The following AMPH variants were observed in gnomAD, a reference collection of about 807,000 sequenced individuals.
AMPH encodes amphiphysin.
In AMPH, 49 loss-of-function variants were observed where a neutral mutation model predicts 99.1. The observed-to-expected ratio is 0.49, with a 90% confidence interval of 0.39 to 0.63. The LOEUF is 0.63. Ranked by LOEUF, AMPH falls within the 20% of genes least tolerant of loss-of-function variation. The pLI, the probability that AMPH is intolerant of heterozygous loss-of-function variation, is 0.00. For synonymous variants in AMPH, 314 were observed against 317.3 expected (o/e 0.99, Z 0.11); for missense variants, 759 against 863.4 (o/e 0.88, Z 1.52).
At chr7:38,414,684 AGACAGAGT>A (rs1785314471) in intron 17 of AMPH, among the ~76,000 whole-genome samples, 1 of 148,722 alleles carries the variant, frequency 6.7e-6, no homozygotes, top group African/African-American at 2.5e-5. Context: ...TTTTTTTTTG[AGACAGAGT>A]CTCACTCTGT....
chr7:38,579,040 T>C (rs1792350040), intron 1 of AMPH, among the ~76,000 whole-genome samples: 1 of 152,212 alleles, frequency 6.6e-6, no homozygotes, highest in Admixed American at 6.5e-5. Context: ...TTAGTGTTAT[T>C]ATGAAAATAA....
chr7:38,594,749 CCAAA>C (rs552075057), intron 1 of AMPH, among the ~76,000 whole-genome samples: 9 of 151,920 alleles, frequency 5.9e-5, no homozygotes, highest in Non-Finnish European at 1.3e-4. Flanking sequence ...AAACTATGGG[CCAAA>C]CAAACAAATC....
intron 7 of AMPH, among the ~76,000 whole-genome samples, chr7:38,469,321 T>C (rs1164063827): frequency 6.6e-6 from 1 of 152,218 alleles, no homozygotes; most frequent in Non-Finnish European, 1.5e-5. Flanking sequence ...ACACTTCTTA[T>C]TAGCTGTCAA....
At chr7:38,540,001 C>G (rs1480048665) in intron 1 of AMPH, among the ~76,000 whole-genome samples, 2 of 152,210 alleles carry the variant, frequency 1.3e-5, no homozygotes, top group African/African-American at 4.8e-5. Flanking sequence ...TAAATGACCT[C>G]TTTCATTAAC....
At chr7:38,492,996 C>T (rs954315521) in intron 4 of AMPH, among the ~76,000 whole-genome samples, 4 of 152,140 alleles carry the variant, frequency 2.6e-5, no homozygotes, top group African/African-American at 7.2e-5. Context: ...GTAATGTGTG[C>T]GGTCTGCTTT....
chr7:38,488,933 C>T (rs919211174), intron 5 of AMPH, among the ~76,000 whole-genome samples: 8 of 152,098 alleles, frequency 5.3e-5, no homozygotes, highest in Admixed American at 2.0e-4. Context: ...AAGTGATCTA[C>T]AGATTCAATG....
chr7:38,501,801 A>C (rs1378567320), intron 3 of AMPH, among the ~76,000 whole-genome samples: 5 of 125,854 alleles, frequency 4.0e-5, no homozygotes, highest in Non-Finnish European at 8.6e-5. Flanking sequence ...AAATAAATAA[A>C]TAAAAGATTT....
At chr7:38,502,281 T>G (rs1545145) in intron 3 of AMPH, among the ~76,000 whole-genome samples, 138,978 of 152,240 alleles carry the variant, frequency 0.91, 63,686 homozygotes, top group East Asian at 1. Flanking sequence ...GAGACTAAAT[T>G]TACTGTATTT....
chr7:38,591,431 G>A (rs1035297005), intron 1 of AMPH, among the ~76,000 whole-genome samples: 1 of 151,954 alleles, frequency 6.6e-6, no homozygotes, highest in African/African-American at 2.4e-5. Context: ...GGAATTCCAG[G>A]CGTGCGCCAC....
intron 1 of AMPH, among the ~76,000 whole-genome samples, chr7:38,599,955 A>G (rs941631617): frequency 1.3e-5 from 2 of 152,044 alleles, no homozygotes; most frequent in African/African-American, 4.8e-5. Context: ...ATATCGTTGT[A>G]TCTTTTTATT....
chr7:38,484,378 C>T (rs941501533), intron 5 of AMPH, among the ~76,000 whole-genome samples: 2 of 152,094 alleles, frequency 1.3e-5, no homozygotes, highest in Non-Finnish European at 2.9e-5. Flanking sequence ...GACTTGCTCA[C>T]ATACAAGGGA....
chr7:38,407,021 CCTCTCT>C (rs71558121), intron 17 of AMPH, among the ~76,000 whole-genome samples: 2 of 3,712 alleles, frequency 5.4e-4, no homozygotes, highest in African/African-American at 1.6e-3. Flanking sequence ...CTAATAGACT[CCTCTCT>C]CTCTCTCTCT....
chr7:38,480,648 C>T (rs1788251170), intron 5 of AMPH, among the ~76,000 whole-genome samples: 1 of 152,152 alleles, frequency 6.6e-6, no homozygotes, highest in Non-Finnish European at 1.5e-5. Flanking sequence ...CATGGAGATA[C>T]ACACCCAGTC....
rs149775029 is a variant in AMPH, at chr7:38,486,486, T to C, written c.396+4564A>G. Among the ~76,000 whole-genome samples the C allele has an allele frequency of 2.0e-4, 31 of 152,156 alleles. No homozygotes were observed. The East Asian group carries it at 4.4e-3, about 22-fold the overall frequency. On this transcript the variant is annotated intron_variant, in intron 5 of 20. Coordinates refer to ENST00000356264, the MANE Select transcript of AMPH (RefSeq NM_001635.4). ...ACAAAACCAAGACCAGATAGCTTCA[T>C]TGGCAAATTCTACCAAACATTTAAA... is the stretch of plus-strand genomic sequence containing the variant.
At position 38,433,724 on chromosome 7, in the gene AMPH, C is replaced by CA. The variant is rs570503359; in HGVS notation, c.1135-1513dup. 1.8e-3 allele frequency among the ~76,000 whole-genome samples: 97 copies of CA among 53,176 alleles called. 1 individual carries two copies. Among genetic ancestry groups the CA allele is most frequent in the African/African-American group, 6.6e-3 (72 of 10,952 alleles). The allele number at this position is 53,176 out of a possible 152,430, so 34.9% of individuals were successfully genotyped here. A position where few individuals can be genotyped will look rare whatever the true frequency, so the allele number is the denominator to read the frequency against. On this transcript the variant is annotated intron_variant, in intron 12 of 20. Transcript: ENST00000356264. ...TGGGCAACAGAGCGAGACTCCGTCT[C>CA]AAAAAAAAAAAAAAAAAAAAAAGAA... is the stretch of plus-strand genomic sequence containing the variant.
At chr7:38,612,574 G>A (rs766871496) in intron 1 of AMPH, among the ~76,000 whole-genome samples, 2 of 152,170 alleles carry the variant, frequency 1.3e-5, no homozygotes, top group African/African-American at 2.4e-5. Flanking sequence ...AAAGAAGAGC[G>A]AGAGAGGAAA....
chr7:38,464,051 A>G, intron 9 of AMPH: 1 of 1,289,318 alleles, frequency 7.8e-7, no homozygotes, highest in Non-Finnish European at 1.0e-6. Context: ...ACATAGCCCC[A>G]ATCTAAGCTT....
intron 1 of AMPH, among the ~76,000 whole-genome samples, chr7:38,619,889 T>C (rs1173409776): frequency 6.6e-6 from 1 of 152,178 alleles, no homozygotes; most frequent in Non-Finnish European, 1.5e-5. Flanking sequence ...TATTGTGTTA[T>C]AAAATCTGTA....
chr7:38,475,975 C>A (rs973378325), intron 6 of AMPH, among the ~76,000 whole-genome samples: 29 of 152,196 alleles, frequency 1.9e-4, no homozygotes, highest in African/African-American at 7.0e-4. Flanking sequence ...ACTTGTCAGA[C>A]TGCTTTACCA....
Sources: gnomAD v4.1 joint callset for allele counts (sites outside exome capture counted in the v4.1 genomes callset) on GRCh38, gnomAD v4.1.1 for gene constraint, MANE v1.5 for transcripts, NCBI Gene and HGNC (gene_info 2026-07-23, HGNC 2026-07-21) for gene names.